CDH12: variants seen among roughly 807,000 people sequenced by gnomAD.
CDH12 encodes the protein cadherin-12.
CDH12 carries 41 observed loss-of-function variants against 74.1 expected under a neutral mutation model. That is an observed-to-expected ratio of 0.55 (90% CI 0.43 to 0.72). The LOEUF (loss-of-function observed/expected upper bound fraction) is 0.72, where lower values mean the gene tolerates loss of function less well. CDH12 is among the 30% of genes least tolerant of loss of function. CDH12 has a pLI of 0.00. For missense variants in CDH12, 945 were observed against 977.2 expected (o/e 0.97, Z 0.44); for synonymous variants, 399 against 355.0 (o/e 1.12, Z -1.39).
chr5:21,851,320 G>T (rs1484785140), intron 7 of CDH12, among the ~76,000 whole-genome samples: 1 of 150,824 alleles, frequency 6.6e-6, no homozygotes, highest in Non-Finnish European at 1.5e-5. Context: ...CTTAAATGGA[G>T]TTACTCTATT....
intron 3 of CDH12, among the ~76,000 whole-genome samples, chr5:22,352,502 A>G (rs915274122): frequency 1.2e-4 from 18 of 152,226 alleles, no homozygotes; most frequent in Non-Finnish European, 2.5e-4. Flanking sequence ...TGACAGGATT[A>G]GCCTGCTGAC....
chr5:21,856,993 C>T (rs1352186033), intron 6 of CDH12, among the ~76,000 whole-genome samples: 1 of 151,808 alleles, frequency 6.6e-6, no homozygotes, highest in Non-Finnish European at 1.5e-5. Context: ...TGGAACTAAA[C>T]ACCACGATAG....
intron 1 of CDH12, among the ~76,000 whole-genome samples, chr5:22,786,001 A>C (rs369292452): frequency 9.2e-5 from 14 of 152,310 alleles, no homozygotes; most frequent in African/African-American, 3.1e-4. Flanking sequence ...TTTATCACAA[A>C]GAAACATACA....
intron 4 of CDH12, among the ~76,000 whole-genome samples, chr5:22,080,139 A>G (rs1369654028): frequency 1.3e-5 from 2 of 148,984 alleles, no homozygotes; most frequent in African/African-American, 5.1e-5. Flanking sequence ...AAATATATAT[A>G]ATGCTTCCAA....
intron 6 of CDH12, among the ~76,000 whole-genome samples, chr5:21,858,544 T>C (rs1750870719): frequency 6.6e-6 from 1 of 151,970 alleles, no homozygotes; most frequent in Non-Finnish European, 1.5e-5. Flanking sequence ...ATGTCTTATA[T>C]GGTCAGACAA....
chr5:22,554,007 C>T (rs1196684279), intron 1 of CDH12, among the ~76,000 whole-genome samples: 1 of 152,120 alleles, frequency 6.6e-6, no homozygotes, highest in Non-Finnish European at 1.5e-5. Context: ...AAAAGTGGGT[C>T]TAAAGCACAT....
intron 5 of CDH12, among the ~76,000 whole-genome samples, chr5:21,991,765 A>G (rs985288548): frequency 1.3e-5 from 2 of 151,410 alleles, no homozygotes; most frequent in African/African-American, 2.4e-5. Flanking sequence ...TATAGTAACT[A>G]CTTCAAATGG....
intron 6 of CDH12, among the ~76,000 whole-genome samples, chr5:21,963,023 A>G (rs931455125): frequency 2.6e-5 from 4 of 152,078 alleles, no homozygotes; most frequent in African/African-American, 7.2e-5. Flanking sequence ...CCTTTCCTAT[A>G]CAAATTTCAG....
chr5:22,131,710 A>G (rs1467801783), intron 4 of CDH12, among the ~76,000 whole-genome samples: 1 of 152,110 alleles, frequency 6.6e-6, no homozygotes, highest in Non-Finnish European at 1.5e-5. Context: ...GCTACATGAA[A>G]CCTGAAGGAA....
chr5:22,729,120 C>A (rs1003584092), intron 1 of CDH12, among the ~76,000 whole-genome samples: 1 of 151,764 alleles, frequency 6.6e-6, no homozygotes, highest in East Asian at 1.9e-4. Flanking sequence ...CTCAGAATAA[C>A]AATATATATA....
rs535161761 is a variant in CDH12 at position 22,165,087 on chromosome 5, C to T, written c.-187+47411G>A. Among the ~76,000 whole-genome samples the T allele has an allele frequency of 4.4e-4, 66 of 151,358 alleles. 1 individual carries two copies. Among genetic ancestry groups the T allele is most frequent in the African/African-American group, 1.2e-3 (51 of 41,160 alleles). On this transcript the variant is annotated intron_variant, in intron 4 of 14. Coordinates refer to ENST00000382254, the MANE Select transcript of CDH12 (RefSeq NM_004061.5). ...AATGTCTCTGCTTTCACTTTGGCCC[C>T]GACATTCTATTCTGAACACAGCAGC...
intron 6 of CDH12, among the ~76,000 whole-genome samples, chr5:21,866,413 A>G (rs1029055949): frequency 6.6e-6 from 1 of 152,200 alleles, no homozygotes; most frequent in Non-Finnish European, 1.5e-5. Context: ...TGTTAATGAT[A>G]TGGACAATGA....
chr5:22,015,287 A>G (rs923120918), intron 5 of CDH12, among the ~76,000 whole-genome samples: 1 of 152,100 alleles, frequency 6.6e-6, no homozygotes, highest in Non-Finnish European at 1.5e-5. Flanking sequence ...ACACATTTCT[A>G]TTTGTGTGGT....
intron 1 of CDH12, among the ~76,000 whole-genome samples, chr5:22,624,904 C>T (rs1055072252): frequency 2.0e-5 from 3 of 152,106 alleles, no homozygotes; most frequent in Admixed American, 2.0e-4. Flanking sequence ...AGACTTGGAA[C>T]CAACCCAAAT....
chr5:22,730,227 G>A (rs1330427172), intron 1 of CDH12, among the ~76,000 whole-genome samples: 5 of 151,700 alleles, frequency 3.3e-5, no homozygotes, highest in African/African-American at 1.2e-4. Context: ...AATGACATCA[G>A]TGAAATTAAC....
intron 1 of CDH12, among the ~76,000 whole-genome samples, chr5:22,572,539 G>A (rs1355905529): frequency 1.3e-5 from 2 of 151,832 alleles, no homozygotes; most frequent in Non-Finnish European, 2.9e-5. Flanking sequence ...CAGACAGTAA[G>A]AAGGTTTTCA....
intron 1 of CDH12, among the ~76,000 whole-genome samples, chr5:22,521,418 C>T (rs1737050452): frequency 6.6e-6 from 1 of 151,940 alleles, no homozygotes; most frequent in Non-Finnish European, 1.5e-5. Context: ...AATTGTGGAA[C>T]TTATATTTAG....
intron 6 of CDH12, among the ~76,000 whole-genome samples, chr5:21,901,817 A>G (rs1246932217): frequency 6.6e-6 from 1 of 152,170 alleles, no homozygotes; most frequent in East Asian, 1.9e-4. Context: ...GTTTATATCC[A>G]TCATGAGGTT....
intron 6 of CDH12, among the ~76,000 whole-genome samples, chr5:21,865,438 G>A (rs1289289027): frequency 6.6e-6 from 1 of 152,180 alleles, no homozygotes; most frequent in Non-Finnish European, 1.5e-5. Context: ...GGACTCAGAA[G>A]GCATTTCAGA....
Sources: allele counts gnomAD v4.1 joint callset (sites outside exome capture counted in the v4.1 genomes callset), GRCh38; gene constraint gnomAD v4.1.1; transcripts MANE v1.5; gene names NCBI Gene and HGNC (gene_info 2026-07-23, HGNC 2026-07-21).